CDKAL1: variants seen among roughly 807,000 people sequenced by gnomAD.
CDKAL1 encodes the protein threonylcarbamoyladenosine tRNA methylthiotransferase.
A neutral mutation model predicts 68.2 loss-of-function variants in CDKAL1; 32 were observed. The observed-to-expected ratio is 0.47, with a 90% CI of 0.35 to 0.63. The LOEUF (loss-of-function observed/expected upper bound fraction) is 0.63. Ranked by LOEUF, CDKAL1 falls within the 30% of genes least tolerant of loss-of-function variation. The probability of loss-of-function intolerance (pLI) is 0.00; values close to 1 mark genes in which losing one functional copy is unlikely to be tolerated. For missense variants in CDKAL1, 606 were observed against 696.7 expected (o/e 0.87, Z 1.47); for synonymous variants, 234 against 244.3 (o/e 0.96, Z 0.39).
At chr6:20,932,320 G>A (rs1346790185) in intron 9 of CDKAL1, among the ~76,000 whole-genome samples, 1 of 152,072 alleles carries the variant, frequency 6.6e-6, no homozygotes, top group East Asian at 1.9e-4. Flanking sequence ...GGAGTGTCAG[G>A]ATCACTGGGG....
At chr6:21,077,314 A>C (rs540088992) in intron 12 of CDKAL1, among the ~76,000 whole-genome samples, 2 of 152,278 alleles carry the variant, frequency 1.3e-5, no homozygotes, top group East Asian at 3.9e-4. Flanking sequence ...TCATTGTTAT[A>C]GGGGCTCAAA....
chr6:21,110,848 G>C lies in CDKAL1; in HGVS notation c.1299+2385G>C, dbSNP rs114158753. Among the ~76,000 whole-genome samples the C allele has an allele frequency of 5.6e-3, 851 of 152,186 alleles. 7 individuals carry two copies. The highest frequency in any genetic ancestry group is 0.018 in the African/African-American group (761 of 41,518). On this transcript the variant is annotated intron_variant, in intron 13 of 15. Coordinates refer to ENST00000274695, the MANE Select transcript of CDKAL1 (RefSeq NM_017774.3). Reference sequence around the variant, plus strand: ...CCAGGCATGGTATTGCACACCTGTAGTCCTAGCTACCGGGGACAGGTTTAG... The same window carrying C: ...CCAGGCATGGTATTGCACACCTGTACTCCTAGCTACCGGGGACAGGTTTAG...
intron 13 of CDKAL1, among the ~76,000 whole-genome samples, chr6:21,118,611 T>C (rs1279796278): frequency 1.3e-5 from 2 of 152,240 alleles, no homozygotes; most frequent in South Asian, 2.1e-4. Flanking sequence ...ATTGCACTTT[T>C]AAACGTATAC....
At chr6:21,182,974 G>A (rs1010616716) in intron 13 of CDKAL1, among the ~76,000 whole-genome samples, 7 of 152,050 alleles carry the variant, frequency 4.6e-5, no homozygotes, top group African/African-American at 1.4e-4. Context: ...AAGATGATGG[G>A]CCCCTGACCA....
intron 13 of CDKAL1, among the ~76,000 whole-genome samples, chr6:21,114,305 G>A (rs994236089): frequency 1.3e-5 from 2 of 151,538 alleles, no homozygotes; most frequent in African/African-American, 2.4e-5. Context: ...TGATAGTTGG[G>A]TAAGGGACCA....
chr6:20,808,370 A>G (rs1019544265), intron 8 of CDKAL1, among the ~76,000 whole-genome samples: 2 of 152,144 alleles, frequency 1.3e-5, no homozygotes, highest in African/African-American at 2.4e-5. Context: ...AATAACCTTG[A>G]CATTGACTTT....
chr6:20,609,301 C>CT (rs1208559877), intron 4 of CDKAL1, among the ~76,000 whole-genome samples: 25 of 139,890 alleles, frequency 1.8e-4, no homozygotes, highest in Admixed American at 1.2e-3. Flanking sequence ...TCTCCTTCTC[C>CT]TCCTCCTCCT....
intron 12 of CDKAL1, among the ~76,000 whole-genome samples, chr6:21,093,867 T>C (rs957359801): frequency 2.7e-4 from 41 of 149,540 alleles, no homozygotes; most frequent in African/African-American, 9.8e-4. Flanking sequence ...TAGCTGGGTG[T>C]GACGGTAGGT....
At chr6:21,003,369 T>TACACACACACACACACACACACACACAC (rs1292656062) in intron 11 of CDKAL1, among the ~76,000 whole-genome samples, 13 of 46,598 alleles carry the variant, frequency 2.8e-4, no homozygotes, top group African/African-American at 1.1e-3. Context: ...TATATATATA[T>TACACACACACACACACACACACACACAC]ATACACACAC....
At chr6:20,877,737 A>T (rs1424118038) in intron 9 of CDKAL1, among the ~76,000 whole-genome samples, 1 of 152,156 alleles carries the variant, frequency 6.6e-6, no homozygotes, top group East Asian at 1.9e-4. Flanking sequence ...GCTCTGAATT[A>T]TGTCCTCCTT....
chr6:20,737,310 TGTGTTTTTAAC>T (rs1288988248), intron 5 of CDKAL1, among the ~76,000 whole-genome samples: 2 of 152,260 alleles, frequency 1.3e-5, no homozygotes, highest in African/African-American at 2.4e-5. Context: ...TACTGAATGC[TGTGTTTTTAAC>T]GTTCTTTTAT....
At chr6:20,629,982 T>C (rs1767603058) in intron 4 of CDKAL1, among the ~76,000 whole-genome samples, 5 of 152,134 alleles carry the variant, frequency 3.3e-5, no homozygotes. Context: ...GCCTCCTTAG[T>C]AGCTGGGACT....
chr6:20,557,581 A>G (rs759395941), intron 4 of CDKAL1, among the ~76,000 whole-genome samples: 22 of 152,170 alleles, frequency 1.4e-4, no homozygotes, highest in Non-Finnish European at 1.5e-5. Flanking sequence ...GAATACATAT[A>G]TATGTTTTAT....
chr6:21,114,072 C>T (rs1774266143), intron 13 of CDKAL1, among the ~76,000 whole-genome samples: 1 of 142,892 alleles, frequency 7.0e-6, no homozygotes, highest in Admixed American at 6.7e-5. Context: ...CGCAGTGAAA[C>T]CCCGTCTCTA....
chr6:20,830,068 C>T (rs1049361528), intron 8 of CDKAL1, among the ~76,000 whole-genome samples: 4 of 152,116 alleles, frequency 2.6e-5, no homozygotes, highest in African/African-American at 9.7e-5. Context: ...GTTGCCCAGG[C>T]TGGTCTTGAA....
At chr6:20,725,061 C>A (rs1450774956) in intron 5 of CDKAL1, among the ~76,000 whole-genome samples, 2 of 152,134 alleles carry the variant, frequency 1.3e-5, no homozygotes, top group East Asian at 1.9e-4. Flanking sequence ...CTGATCAGGG[C>A]TTCTCTTCTC....
chr6:21,085,403 A>T (rs1392798212), intron 12 of CDKAL1, among the ~76,000 whole-genome samples: 1 of 152,168 alleles, frequency 6.6e-6, no homozygotes, highest in Non-Finnish European at 1.5e-5. Context: ...CTTACTCAAG[A>T]GGCATGTAAT....
intron 5 of CDKAL1, among the ~76,000 whole-genome samples, chr6:20,683,895 C>T (rs1264266810): frequency 7.9e-5 from 12 of 152,200 alleles, no homozygotes; most frequent in Non-Finnish European, 1.8e-4. Context: ...TTAGCATCCA[C>T]TGATGTTTTG....
At chr6:20,665,165 G>A (rs1229837005) in intron 5 of CDKAL1, among the ~76,000 whole-genome samples, 1 of 151,892 alleles carries the variant, frequency 6.6e-6, no homozygotes, top group Non-Finnish European at 1.5e-5. Context: ...ATAGACCTGG[G>A]GCAGTGTCTT....
Sources: gnomAD v4.1 joint callset for allele counts (sites outside exome capture counted in the v4.1 genomes callset) on GRCh38, gnomAD v4.1.1 for gene constraint, MANE v1.5 for transcripts, NCBI Gene and HGNC (gene_info 2026-07-23, HGNC 2026-07-21) for gene names.